Variants in PTPRN2 observed in about 807,000 individuals in gnomAD.
PTPRN2 encodes the protein protein tyrosine phosphatase receptor type N2.
PTPRN2 carries 74 observed loss-of-function variants against 118.8 expected under a neutral mutation model. The observed-to-expected ratio is 0.62, with a 90% CI of 0.52 to 0.76. PTPRN2 has a LOEUF of 0.76. PTPRN2 is among the 30% of genes least tolerant of loss of function. The probability of loss-of-function intolerance (pLI) is 0.00; values close to 1 mark genes in which losing one functional copy is unlikely to be tolerated. For synonymous variants in PTPRN2, 641 were observed against 608.0 expected (o/e 1.05, Z -0.80); for missense variants, 1,481 against 1,394.4 (o/e 1.06, Z -0.99).
At chr7:158,501,901 G>A (rs769739998) in intron 1 of PTPRN2, among the ~76,000 whole-genome samples, 5 of 152,172 alleles carry the variant, frequency 3.3e-5, no homozygotes, top group Non-Finnish European at 7.3e-5. Flanking sequence ...AGCTCACATC[G>A]TGGCTTCTAA....
intron 11 of PTPRN2, among the ~76,000 whole-genome samples, chr7:158,076,436 G>A (rs879774628): frequency 2.6e-5 from 4 of 152,182 alleles, no homozygotes; most frequent in African/African-American, 9.7e-5. Flanking sequence ...AACGTCTGCC[G>A]CTTGTGGACC....
rs1377262550 is a variant in PTPRN2, at chr7:157,944,939, A to G, written c.1724-46202T>C. On this transcript the variant is annotated intron_variant, in intron 11 of 22. Coordinates refer to ENST00000389418, the MANE Select transcript of PTPRN2 (RefSeq NM_002847.5). This position sits in a 1 kb window ranked among gnomAD's most constrained non-coding sequence, Gnocchi z 4.3. ...TTATACAGTAAACAGAGACTCTGAA[A>G]TAAACACCGTGCCGAATGGAGCCTG... Among the ~76,000 whole-genome samples, 1 of 152,202 alleles carries G rather than the reference A, an allele frequency of 6.6e-6. No homozygotes were observed. Among genetic ancestry groups the G allele is most frequent in the Non-Finnish European group, 1.5e-5 (1 of 68,034 alleles).
chr7:158,462,006 G>A (rs2464328), intron 2 of PTPRN2, among the ~76,000 whole-genome samples: 1 of 73,830 alleles, frequency 1.4e-5, no homozygotes, highest in South Asian at 4.5e-4. Flanking sequence ...CCCGTCCTTG[G>A]ATAGAACCGC....
chr7:157,546,902 G>A (rs966278124), intron 22 of PTPRN2, among the ~76,000 whole-genome samples: 1 of 152,212 alleles, frequency 6.6e-6, no homozygotes, highest in Non-Finnish European at 1.5e-5. Context: ...ACATACAATG[G>A]GAGGCTTGGA....
At chr7:157,553,996 G>A (rs1233117461) in intron 21 of PTPRN2, among the ~76,000 whole-genome samples, 1 of 133,998 alleles carries the variant, frequency 7.5e-6, no homozygotes, top group Admixed American at 7.3e-5. Flanking sequence ...GCCCGCTCTC[G>A]TGCCCTCCTG....
At chr7:157,841,306 A>G (rs1004060122) in intron 12 of PTPRN2, among the ~76,000 whole-genome samples, 2 of 152,214 alleles carry the variant, frequency 1.3e-5, no homozygotes, top group African/African-American at 4.8e-5. Context: ...TGAAGAGACA[A>G]AACTGTGAAC....
At chr7:158,053,146 C>A (rs1336312459) in intron 11 of PTPRN2, among the ~76,000 whole-genome samples, 2 of 152,196 alleles carry the variant, frequency 1.3e-5, no homozygotes, top group African/African-American at 4.8e-5. Flanking sequence ...TTTTCATAAA[C>A]TAACCTAGAG....
chr7:158,247,362 G>A (rs1266644667), intron 3 of PTPRN2, among the ~76,000 whole-genome samples: 4 of 152,196 alleles, frequency 2.6e-5, no homozygotes, highest in African/African-American at 9.6e-5. Context: ...TGGGGAGGAG[G>A]GCGCTCTTGA....
In PTPRN2 at chr7:157,674,232, G is replaced by T. The variant is rs556668924; in HGVS notation, c.2001+8493C>A. 6.6e-6 allele frequency among the ~76,000 whole-genome samples: 1 copy of T among 152,290 alleles called. No homozygotes were observed. The highest frequency in any genetic ancestry group is 2.1e-4 in the South Asian group (1 of 4,832). ...CCATGGAGAGCTCCGGGCCGAAGGGGACTTGGGCCTGGGAGAGAAGAGACA... is the reference window on the plus strand; with the variant it reads ...CCATGGAGAGCTCCGGGCCGAAGGGTACTTGGGCCTGGGAGAGAAGAGACA... On this transcript the variant is annotated intron_variant, in intron 13 of 22. Coordinates refer to ENST00000389418, the MANE Select transcript of PTPRN2 (RefSeq NM_002847.5). The surrounding 1 kb of genome is among the most constrained non-coding windows in gnomAD (Gnocchi z 4.5).
At chr7:157,939,205 G>A (rs1265135446) in intron 11 of PTPRN2, among the ~76,000 whole-genome samples, 1 of 152,206 alleles carries the variant, frequency 6.6e-6, no homozygotes, top group Non-Finnish European at 1.5e-5. Flanking sequence ...ATAAAGTTAA[G>A]TAAAGCACGC....
At chr7:157,768,979 C>A (rs558736031) in intron 12 of PTPRN2, among the ~76,000 whole-genome samples, 1 of 152,164 alleles carries the variant, frequency 6.6e-6, no homozygotes, top group Admixed American at 6.5e-5. Context: ...TTACTGTCAC[C>A]GCTGTGTGCT....
intron 11 of PTPRN2, among the ~76,000 whole-genome samples, chr7:157,948,615 G>A (rs888236712): frequency 6.6e-6 from 1 of 152,184 alleles, no homozygotes; most frequent in South Asian, 2.1e-4. Flanking sequence ...AGAAATTACT[G>A]TAAATGAAAA....
intron 12 of PTPRN2, among the ~76,000 whole-genome samples, chr7:157,734,000 C>T (rs749415818): frequency 2.2e-4 from 9 of 40,684 alleles, no homozygotes; most frequent in East Asian, 5.1e-4. Flanking sequence ...GCACAGTTAC[C>T]CTTTTCCGTC....
chr7:157,791,771 C>G (rs994457300), intron 12 of PTPRN2, among the ~76,000 whole-genome samples: 4 of 152,220 alleles, frequency 2.6e-5, no homozygotes, highest in Non-Finnish European at 5.9e-5. Context: ...AAACACAAAG[C>G]GTTCTCCTAG....
chr7:158,225,047 T>C (rs1329023000), intron 3 of PTPRN2, among the ~76,000 whole-genome samples: 1 of 151,112 alleles, frequency 6.6e-6, no homozygotes, highest in Admixed American at 6.6e-5. Flanking sequence ...AAGGCTAAAA[T>C]AAAAAATAGG....
intron 3 of PTPRN2, among the ~76,000 whole-genome samples, chr7:158,305,535 G>C (rs776901628): frequency 5.9e-5 from 9 of 152,056 alleles, no homozygotes; most frequent in Non-Finnish European, 8.8e-5. Flanking sequence ...AACAAACCAA[G>C]ATCACACTTA....
chr7:158,072,254 C>G (rs1264918803), intron 11 of PTPRN2, among the ~76,000 whole-genome samples: 1 of 152,148 alleles, frequency 6.6e-6, no homozygotes, highest in Admixed American at 6.5e-5. Context: ...CTGTCCTGGC[C>G]GATAAGTCCG....
chr7:158,071,596 TCC>T (rs1811725343), intron 11 of PTPRN2, among the ~76,000 whole-genome samples: 1 of 97,406 alleles, frequency 1.0e-5, no homozygotes, highest in African/African-American at 4.1e-5. Context: ...GTGGAGGTGC[TCC>T]TGGTGGAGGT....
chr7:158,015,339 C>T lies in PTPRN2; in HGVS notation c.1723+65959G>A, dbSNP rs1475308174. On this transcript the variant is annotated intron_variant, in intron 11 of 22. Coordinates refer to ENST00000389418, the MANE Select transcript of PTPRN2 (RefSeq NM_002847.5). The surrounding 1 kb of genome is among the most constrained non-coding windows in gnomAD (Gnocchi z 4.2). ...TCTGATTGTTCATTTTGTTTTTAAC[C>T]TAAAATGAACAAATCCCCTGTCTAC... Among the ~76,000 whole-genome samples the T allele has an allele frequency of 6.6e-6, 1 of 152,028 alleles. No homozygotes were observed. The highest frequency in any genetic ancestry group is 1.5e-5 in the Non-Finnish European group (1 of 68,030).
Sources: allele counts gnomAD v4.1 joint callset (sites outside exome capture counted in the v4.1 genomes callset), GRCh38; gene constraint gnomAD v4.1.1; non-coding constraint Gnocchi (gnomAD v3.1); transcripts MANE v1.5; gene names NCBI Gene and HGNC (gene_info 2026-07-23, HGNC 2026-07-21).